The following PTPRD variants were observed in gnomAD, a reference collection of about 807,000 sequenced individuals.
PTPRD encodes receptor-type tyrosine-protein phosphatase delta.
A neutral mutation model predicts 214.5 loss-of-function variants in PTPRD; 34 were observed. The ratio of observed to expected loss-of-function variants is 0.16; its 90% CI spans 0.12 to 0.21. The LOEUF is 0.21. Among genes scored for constraint, PTPRD ranks in the 10% least tolerant of loss-of-function variants. The pLI is 1.00. For missense variants in PTPRD, 2,545 were observed against 2,398.7 expected (o/e 1.06, Z -1.27); for synonymous variants, 1,128 against 845.7 (o/e 1.33, Z -5.79).
intron 12 of PTPRD, among the ~76,000 whole-genome samples, chr9:8,733,531 TA>T (rs199835877): frequency 1.6e-4 from 24 of 151,804 alleles, no homozygotes; most frequent in African/African-American, 5.6e-4. Context: ...ATAAGAGGTA[TA>T]AAAAAATAAA....
chr9:10,547,310 GTTT>G (rs887500584), intron 2 of PTPRD, among the ~76,000 whole-genome samples: 1 of 147,980 alleles, frequency 6.8e-6, no homozygotes, highest in Non-Finnish European at 1.5e-5. Context: ...CTTACCAAGG[GTTT>G]TTTTTTTCTT....
At chr9:9,970,072 C>T (rs1454089561) in intron 4 of PTPRD, among the ~76,000 whole-genome samples, 3 of 151,978 alleles carry the variant, frequency 2.0e-5, no homozygotes, top group Non-Finnish European at 4.4e-5. Context: ...GAAAAGGAGA[C>T]CGTTTGTATT....
chr9:8,714,007 G>A (rs1198528723), intron 12 of PTPRD, among the ~76,000 whole-genome samples: 2 of 152,206 alleles, frequency 1.3e-5, no homozygotes, highest in Non-Finnish European at 2.9e-5. Flanking sequence ...GAATCAGTTA[G>A]TCCTATCAGA....
intron 5 of PTPRD, among the ~76,000 whole-genome samples, chr9:9,818,950 T>A (rs923577316): frequency 3.3e-5 from 5 of 151,380 alleles, no homozygotes; most frequent in Non-Finnish European, 5.9e-5. Flanking sequence ...TTCGTATGTA[T>A]GTCTTTCAAT....
At chr9:8,964,664 T>C (rs1051368346) in intron 11 of PTPRD, among the ~76,000 whole-genome samples, 1 of 152,092 alleles carries the variant, frequency 6.6e-6, no homozygotes, top group Non-Finnish European at 1.5e-5. Context: ...ATTTGAGATC[T>C]CTCTGACTTT....
intron 2 of PTPRD, among the ~76,000 whole-genome samples, chr9:10,444,607 T>C (rs992212955): frequency 4.6e-5 from 7 of 151,778 alleles, no homozygotes; most frequent in African/African-American, 1.7e-4. Flanking sequence ...GACAATTATA[T>C]GAAATATAAA....
chr9:8,607,221 T>C (rs1220329994), intron 14 of PTPRD, among the ~76,000 whole-genome samples: 1 of 152,232 alleles, frequency 6.6e-6, no homozygotes, highest in Admixed American at 6.5e-5. Context: ...AATGCATATG[T>C]AAATTAGCTA....
chr9:10,123,614 TC>T (rs2098793496), intron 3 of PTPRD, among the ~76,000 whole-genome samples: 1 of 152,014 alleles, frequency 6.6e-6, no homozygotes, highest in African/African-American at 2.4e-5. Context: ...CACCAACAAT[TC>T]AGATGGACTT....
At chr9:9,924,499 G>C (rs1468394402) in intron 5 of PTPRD, among the ~76,000 whole-genome samples, 1 of 151,876 alleles carries the variant, frequency 6.6e-6, no homozygotes, top group Admixed American at 6.6e-5. Flanking sequence ...AACTCATGTT[G>C]CTACAAAAGC....
chr9:8,650,554 A>G (rs1016273327), intron 12 of PTPRD, among the ~76,000 whole-genome samples: 7 of 150,416 alleles, frequency 4.7e-5, no homozygotes, highest in Non-Finnish European at 1.0e-4. Flanking sequence ...AAAAGTGGAT[A>G]CGTGATGGAT....
chr9:9,649,778 T>G (rs2096286563), intron 7 of PTPRD, among the ~76,000 whole-genome samples: 1 of 152,232 alleles, frequency 6.6e-6, no homozygotes, highest in East Asian at 1.9e-4. Flanking sequence ...TCAGTGCTAC[T>G]GTCATTTTAA....
chr9:8,769,806 GA>G (rs571912390), intron 11 of PTPRD, among the ~76,000 whole-genome samples: 342 of 135,620 alleles, frequency 2.5e-3, no homozygotes, highest in Middle Eastern at 3.9e-3. Context: ...TTTACAATTA[GA>G]AAAAAAAAAA....
intron 2 of PTPRD, among the ~76,000 whole-genome samples, chr9:10,513,355 T>C (rs1055936445): frequency 1.3e-5 from 2 of 152,158 alleles, no homozygotes; most frequent in Non-Finnish European, 2.9e-5. Flanking sequence ...CACTCAGCTG[T>C]TAGTTTAGGA....
Position 9,745,312 on chromosome 9 carries a change from A to T in PTPRD, c.-325-10741T>A, listed in dbSNP as rs115490724. Among the ~76,000 whole-genome samples the T allele has an allele frequency of 5.3e-3, 803 of 152,230 alleles. 4 individuals carry two copies. The highest frequency in any genetic ancestry group is 0.018 in the African/African-American group (749 of 41,556). On this transcript the variant is annotated intron_variant, in intron 6 of 45. Transcript: ENST00000381196. ...TATGCTAAATATGAACTTATTTTCA[A>T]GGAAAAATTCAGTAATTCTGACTAC...
chr9:8,823,041 A>G (rs1026752850), intron 11 of PTPRD, among the ~76,000 whole-genome samples: 1 of 152,158 alleles, frequency 6.6e-6, no homozygotes. Flanking sequence ...CAGAGGATCT[A>G]GTAAGACATT....
chr9:9,456,521 C>T (rs943699615), intron 8 of PTPRD, among the ~76,000 whole-genome samples: 3 of 151,736 alleles, frequency 2.0e-5, no homozygotes, highest in Non-Finnish European at 2.9e-5. Context: ...CCAAACCAAA[C>T]CAGATGGCAG....
intron 4 of PTPRD, among the ~76,000 whole-genome samples, chr9:10,012,005 T>A (rs1193049572): frequency 6.6e-6 from 1 of 151,974 alleles, no homozygotes; most frequent in East Asian, 1.9e-4. Flanking sequence ...TTTATCACAT[T>A]AAATCCTTCT....
chr9:8,409,066 T>C (rs2093303389), intron 35 of PTPRD, among the ~76,000 whole-genome samples: 1 of 152,238 alleles, frequency 6.6e-6, no homozygotes, highest in South Asian at 2.1e-4. Context: ...AGGTTTGCAT[T>C]GTATTCTCGA....
At chr9:9,652,001 AT>A (rs1346991005) in intron 7 of PTPRD, among the ~76,000 whole-genome samples, 11 of 151,164 alleles carry the variant, frequency 7.3e-5, no homozygotes, top group Non-Finnish European at 1.6e-4. Context: ...GGCCTGGCTA[AT>A]TTTTGTTTTT....
Sources: gnomAD v4.1 joint callset for allele counts (sites outside exome capture counted in the v4.1 genomes callset) on GRCh38, gnomAD v4.1.1 for gene constraint, MANE v1.5 for transcripts, NCBI Gene and HGNC (gene_info 2026-07-23, HGNC 2026-07-21) for gene names.